Variants in ANK1 observed in about 807,000 individuals in gnomAD.
ANK1 encodes the protein ankyrin-1.
In ANK1, 51 loss-of-function variants were observed where a neutral mutation model predicts 210.4. The observed-to-expected ratio is 0.24, with a 90% CI of 0.19 to 0.31. The LOEUF (loss-of-function observed/expected upper bound fraction) is 0.31, where lower values mean the gene tolerates loss of function less well. Among genes scored for constraint, ANK1 ranks in the 10% least tolerant of loss-of-function variants. ANK1 has a pLI of 1.00. For synonymous variants in ANK1, 967 were observed against 1,025.9 expected (o/e 0.94, Z 1.10); for missense variants, 2,051 against 2,504.4 (o/e 0.82, Z 3.86).
intron 1 of ANK1, among the ~76,000 whole-genome samples, chr8:41,849,393 A>G (rs1159531049): frequency 1.3e-5 from 2 of 152,166 alleles, no homozygotes; most frequent in Admixed American, 6.5e-5. Context: ...GCATGGTGGC[A>G]AGTGCCTATA....
At chr8:41,843,247 T>C (rs1290700318) in intron 1 of ANK1, among the ~76,000 whole-genome samples, 1 of 152,248 alleles carries the variant, frequency 6.6e-6, no homozygotes, top group Non-Finnish European at 1.5e-5. Context: ...ACGTATATAA[T>C]GTGTAGTGAT....
chr8:41,788,487 C>T lies in ANK1; in HGVS notation c.27+9025G>A, dbSNP rs545042707. On this transcript the variant is annotated intron_variant, in intron 1 of 42. Coordinates refer to ENST00000289734, the MANE Select transcript of ANK1 (RefSeq NM_000037.4). ...ATCTCAGACCACAAGGGCACCTACA[C>T]GACCAGCCAGTCAATATCCCCAATA... Among the ~76,000 whole-genome samples, 48 of 152,310 alleles carry T rather than the reference C, an allele frequency of 3.2e-4. 1 individual carries two copies. Among genetic ancestry groups the T allele is most frequent in the African/African-American group, 1.1e-3 (45 of 41,558 alleles).
chr8:41,686,340 C>T (rs753059778), intron 35 of ANK1, 57 bp from the exon 36 acceptor site: 8 of 1,610,194 alleles, frequency 5.0e-6, no homozygotes, highest in Admixed American at 1.7e-5. Flanking sequence ...CAGCAGGGGG[C>T]CTCCAGCACA....
chr8:41,675,868 ACT>A (rs993818447), intron 37 of ANK1, among the ~76,000 whole-genome samples: 1 of 151,888 alleles, frequency 6.6e-6, no homozygotes, highest in African/African-American at 2.4e-5. Context: ...TACAGTATGC[ACT>A]CTCTCTTTCT....
chr8:41,695,181 G>T lies in ANK1; in HGVS notation c.3111C>A (p.Asp1037Glu), dbSNP rs562811662. 1.1e-5 allele frequency: 18 copies of T among 1,613,982 alleles called. No individual in the cohort carries two copies. Among genetic ancestry groups the T allele is most frequent in the Non-Finnish European group, 1.5e-5 (18 of 1,180,038 alleles). ...CCTGGGATCCCCCGCCCCTACCTTC[G>T]TCCATCCCGTTGAGGATCTGATCCA... ...SYLDQILNGM[D>E]EELGSLEELE... Residue 1037 changes from aspartate to glutamate, a missense_variant, in exon 27 of 43, where the codon GAC (aspartate) becomes GAA (glutamate). Physicochemically the swap from Asp to Glu is conservative, Grantham distance 45. Around this residue, in one of 6 missense-constraint regions of ANK1, gnomAD observed 1,413 missense variants for 1,707.4 expected, o/e 0.83. Transcript: ENST00000289734.
At position 41,805,058 on chromosome 8, in the gene ANK1, T is replaced by TTC. The variant is rs200133092; in HGVS notation, c.127-46923_127-46922dup. 5.0e-4 allele frequency among the ~76,000 whole-genome samples: 64 copies of TTC among 129,188 alleles called. 1 individual carries two copies. The highest frequency in any genetic ancestry group is 7.5e-3 in the Middle Eastern group (2 of 266). 84.8% of individuals were successfully genotyped at this position (129,188 alleles called of 152,430 possible). A position where few individuals can be genotyped will look rare whatever the true frequency, so the allele number is the denominator to read the frequency against. On this transcript the variant is annotated intron_variant, in intron 1 of 42. Transcript: ENST00000265709. The stretch of plus-strand genomic sequence containing the variant: ...GGATCCCATAGAGCTGTTTCTTTCT[T>TTC]TCTCTCTGTGTGTGTGTGTGTGTGT...
intron 1 of ANK1, among the ~76,000 whole-genome samples, chr8:41,892,478 C>T (rs1276187514): frequency 2.0e-5 from 3 of 152,206 alleles, no homozygotes; most frequent in African/African-American, 4.8e-5. Context: ...CTTGTGAGTG[C>T]CTGGCTCCTT....
intron 17 of ANK1, among the ~76,000 whole-genome samples, chr8:41,708,312 C>T (rs758742891): frequency 3.9e-5 from 6 of 152,204 alleles, no homozygotes; most frequent in East Asian, 1.9e-4. Flanking sequence ...CAGATGTGTG[C>T]GCAATTTTAG....
intron 16 of ANK1, among the ~76,000 whole-genome samples, chr8:41,709,605 C>T (rs145883336): frequency 4.3e-4 from 66 of 152,276 alleles, no homozygotes; most frequent in African/African-American, 1.6e-3. Context: ...GTGGATCAAA[C>T]GTGATACTAT....
At chr8:41,695,050 A>T in intron 27 of ANK1, 127 bp downstream of exon 27, 1 of 1,339,024 alleles carries the variant, frequency 7.5e-7, no homozygotes, top group Non-Finnish European at 1.1e-6. Context: ...GCTTGTCCAC[A>T]CCAGGCCATT....
intron 1 of ANK1, among the ~76,000 whole-genome samples, chr8:41,874,647 G>A (rs1816223540): frequency 6.6e-6 from 1 of 152,200 alleles, no homozygotes; most frequent in African/African-American, 2.4e-5. Flanking sequence ...CGGAGTCCTT[G>A]TGGCCCTAGC....
Position 41,655,590 on chromosome 8 carries a change from T to C in ANK1, c.*200A>G, listed in dbSNP as rs1291734423. 6.7e-6 allele frequency: 7 copies of C among 1,039,268 alleles called. No homozygotes were observed. Among genetic ancestry groups the C allele is most frequent in the Non-Finnish European group, 8.8e-6 (6 of 680,320 alleles). 64.4% of individuals were successfully genotyped at this position (1,039,268 alleles called of 1,614,324 possible). ...AAGCCTGGAGGTCATGCGTCTACAG[T>C]CAGTCATTCATGCCAAGAGGGGACT... On this transcript the variant is annotated 3_prime_UTR_variant, in exon 43 of 43. Coordinates refer to ENST00000289734, the MANE Select transcript of ANK1 (RefSeq NM_000037.4).
intron 31 of ANK1, 39 bp downstream of exon 31, chr8:41,692,609 G>T: frequency 1.3e-6 from 2 of 1,581,866 alleles, no homozygotes; most frequent in East Asian, 4.5e-5. Flanking sequence ...ACGGCAGGAC[G>T]GTTTGTCCCA....
At chr8:41,698,150 A>G (rs961919916) in intron 23 of ANK1, 29 bp from the exon 24 acceptor site, 45 of 1,610,942 alleles carry the variant, frequency 2.8e-5, no homozygotes, top group Non-Finnish European at 3.7e-5. Context: ...AGAACATCAC[A>G]GGGCTGATCC....
intron 1 of ANK1, among the ~76,000 whole-genome samples, chr8:41,803,689 A>C (rs1850515301): frequency 6.6e-6 from 1 of 151,926 alleles, no homozygotes; most frequent in South Asian, 2.1e-4. Context: ...ATGTTTATGT[A>C]AGACTTTTGT....
chr8:41,819,893 C>T (rs575997538), intron 1 of ANK1, among the ~76,000 whole-genome samples: 4 of 152,210 alleles, frequency 2.6e-5, no homozygotes, highest in Admixed American at 6.5e-5. Context: ...CAGCAAAGTT[C>T]GTCTAAACAG....
rs1362721915 is a variant in ANK1, at chr8:41,699,421, C to T, written c.2558+31G>A. On this transcript the variant is annotated intron_variant, in intron 23 of 42. Coordinates refer to ENST00000289734, the MANE Select transcript of ANK1 (RefSeq NM_000037.4). ...GAGCCACAGGGTTGCATCTCGGCACCCCCGGGGACCCTCCCGGGAGCACTG... is the reference window on the plus strand; with the variant it reads ...GAGCCACAGGGTTGCATCTCGGCACTCCCGGGGACCCTCCCGGGAGCACTG... 2.5e-6 allele frequency: 4 copies of T among 1,602,286 alleles called. No individual in the cohort carries two copies. In the East Asian group the frequency reaches 6.7e-5, roughly 27 times the overall value.
At chr8:41,809,947 G>A (rs906952947) in intron 1 of ANK1, among the ~76,000 whole-genome samples, 4 of 152,122 alleles carry the variant, frequency 2.6e-5, no homozygotes, top group Non-Finnish European at 4.4e-5. Context: ...CTGACGGCTG[G>A]TGGTCTCCCA....
At chr8:41,691,104 T>C (rs2150586945) in intron 31 of ANK1, among the ~76,000 whole-genome samples, 2 of 152,256 alleles carry the variant, frequency 1.3e-5, no homozygotes, top group South Asian at 4.2e-4. Context: ...CATGTGCCTG[T>C]AGTCCCAGCT....
Sources: gnomAD v4.1 joint callset for allele counts (sites outside exome capture counted in the v4.1 genomes callset) on GRCh38, gnomAD v4.1.1 for gene constraint, gnomAD v4.1.1 regional missense constraint, MANE v1.5 for transcripts, NCBI Gene and HGNC (gene_info 2026-07-23, HGNC 2026-07-21) for gene names.